Variants in ITPR2 observed in about 807,000 individuals in gnomAD.
The protein encoded by ITPR2 is inositol 1,4,5-trisphosphate receptor type 2.
Under a neutral mutation model 317.1 loss-of-function variants are expected in ITPR2, and 207 were observed. The ratio of observed to expected loss-of-function variants is 0.65; its 90% CI spans 0.58 to 0.73. The LOEUF is 0.73. Ranked by LOEUF, ITPR2 falls within the 30% of genes least tolerant of loss-of-function variation. ITPR2 has a pLI of 0.00. For synonymous variants in ITPR2, 1,156 were observed against 1,149.1 expected, an observed-to-expected ratio of 1.01 and a Z score of -0.12; for missense variants, 2,613 against 3,284.0, an observed-to-expected ratio of 0.80 and a Z score of 4.99.
At chr12:26,714,171 A>G (rs1012068103) in intron 8 of ITPR2, among the ~76,000 whole-genome samples, 1 of 152,252 alleles carries the variant, frequency 6.6e-6, no homozygotes, top group Non-Finnish European at 1.5e-5. Flanking sequence ...GCTCATTTGC[A>G]GAGGCATCTT....
chr12:26,744,735 G>C (rs1949290389), intron 2 of ITPR2, among the ~76,000 whole-genome samples: 1 of 152,138 alleles, frequency 6.6e-6, no homozygotes, highest in Non-Finnish European at 1.5e-5. Flanking sequence ...AGGAAGTAGA[G>C]AACACAGTCA....
intron 1 of ITPR2, among the ~76,000 whole-genome samples, chr12:26,820,820 T>C (rs538288797): frequency 6.6e-6 from 1 of 152,328 alleles, no homozygotes; most frequent in Admixed American, 6.5e-5. Context: ...TACTAACATG[T>C]GCTGCAACAT....
At chr12:26,736,894 C>T (rs1949128783) in intron 2 of ITPR2, among the ~76,000 whole-genome samples, 1 of 152,170 alleles carries the variant, frequency 6.6e-6, no homozygotes, top group Admixed American at 6.5e-5. Flanking sequence ...AGGGGGAAAG[C>T]AAGCAAAATA....
Position 26,595,483 on chromosome 12 carries a change from G to A in ITPR2, c.4362C>T (p.Phe1454=), listed in dbSNP as rs1179502802. 2 of 1,608,290 alleles carry A rather than the reference G, an allele frequency of 1.2e-6. No homozygotes were observed. The highest frequency in any genetic ancestry group is 1.7e-6 in the Non-Finnish European group (2 of 1,178,442). ...AACTTACCCTTGCCATATCCACCAAGAAGTTCTCAAATAATTTCCAAATGT... is the reference window on the plus strand; with the variant it reads ...AACTTACCCTTGCCATATCCACCAAAAAGTTCTCAAATAATTTCCAAATGT... The part of the protein sequence containing the change: ...SNHIWKLFEN[F]LVDMARVCNT... The change falls in exon 32 of 57, where the codon TTC becomes TTT. Residue 1454 remains phenylalanine (F), a synonymous_variant. Coordinates refer to ENST00000381340, the MANE Select transcript of ITPR2 (RefSeq NM_002223.4).
At chr12:26,782,037 TAGAGAGAG>T (rs1177233376) in intron 2 of ITPR2, among the ~76,000 whole-genome samples, 743 of 51,634 alleles carry the variant, frequency 0.014, 6 homozygotes, top group Non-Finnish European at 0.022. Flanking sequence ...TATATATGTA[TAGAGAGAG>T]AGAGAGAGAG....
intron 55 of ITPR2, among the ~76,000 whole-genome samples, chr12:26,346,153 T>C (rs192112397): frequency 6.6e-4 from 100 of 152,354 alleles, no homozygotes; most frequent in Non-Finnish European, 1.1e-3. Flanking sequence ...AACTCCAAGA[T>C]GAACCATCAT....
chr12:26,757,115 C>T (rs1192361102), intron 2 of ITPR2, among the ~76,000 whole-genome samples: 1 of 152,160 alleles, frequency 6.6e-6, no homozygotes, highest in African/African-American at 2.4e-5. Context: ...AATGATCCAC[C>T]TCTTGTTTAG....
At chr12:26,675,488 T>C (rs887964179) in intron 13 of ITPR2, among the ~76,000 whole-genome samples, 7 of 152,030 alleles carry the variant, frequency 4.6e-5, no homozygotes, top group Non-Finnish European at 8.8e-5. Flanking sequence ...TAGGTGGGAA[T>C]TGAACAATAA....
intron 37 of ITPR2, among the ~76,000 whole-genome samples, chr12:26,541,047 C>T (rs994697545): frequency 3.3e-5 from 5 of 150,940 alleles, no homozygotes; most frequent in Non-Finnish European, 7.4e-5. Flanking sequence ...GTGGCTCAAA[C>T]CTATAATCCC....
intron 56 of ITPR2, among the ~76,000 whole-genome samples, chr12:26,339,735 A>G (rs919640221): frequency 3.3e-5 from 5 of 152,194 alleles, no homozygotes; most frequent in Non-Finnish European, 7.3e-5. Context: ...AGCTGTCACC[A>G]TCACCACAGT....
rs78491915 is a variant in ITPR2 at position 26,747,377 on chromosome 12, G to A, written c.164-21612C>T. Among the ~76,000 whole-genome samples, 1,409 of 152,218 alleles carry A rather than the reference G, an allele frequency of 9.3e-3. 23 individuals carry two copies. Among genetic ancestry groups the A allele is most frequent in the African/African-American group, 0.032 (1,310 of 41,524 alleles). On this transcript the variant is annotated intron_variant, in intron 2 of 56. Transcript: ENST00000381340. ...CACTGATGCCATTGTCCATTTTGAA[G>A]AGTAGTCATCTCCAACCCAAGCCAG...
At chr12:26,733,832 G>A (rs894321672) in intron 2 of ITPR2, among the ~76,000 whole-genome samples, 1 of 152,022 alleles carries the variant, frequency 6.6e-6, no homozygotes. Context: ...TTCTCAATGT[G>A]CCATGTTAAC....
chr12:26,558,882 A>G (rs1032904481), intron 35 of ITPR2, among the ~76,000 whole-genome samples: 9 of 152,084 alleles, frequency 5.9e-5, no homozygotes, highest in African/African-American at 2.2e-4. Flanking sequence ...CCCAAATAGA[A>G]CTCCTAATTT....
chr12:26,738,126 A>G (rs1949162312), intron 2 of ITPR2, among the ~76,000 whole-genome samples: 1 of 152,184 alleles, frequency 6.6e-6, no homozygotes, highest in Non-Finnish European at 1.5e-5. Flanking sequence ...CTCTGTAGAA[A>G]ACTTTGAGAC....
intron 54 of ITPR2, among the ~76,000 whole-genome samples, chr12:26,391,092 T>G (rs964640912): frequency 3.3e-5 from 5 of 152,144 alleles, no homozygotes; most frequent in African/African-American, 1.2e-4. Context: ...CAGTACATGA[T>G]TATGGTAAGT....
At chr12:26,462,154 C>CTTTTGTTTTATTTTG (rs1555133873) in intron 45 of ITPR2, among the ~76,000 whole-genome samples, 1 of 149,574 alleles carries the variant, frequency 6.7e-6, no homozygotes, top group Non-Finnish European at 1.5e-5. Context: ...ACAAGGAAAA[C>CTTTTGTTTTATTTTG]TTTTGTTTTG....
intron 45 of ITPR2, among the ~76,000 whole-genome samples, chr12:26,450,169 C>A (rs1300549159): frequency 6.6e-6 from 1 of 152,036 alleles, no homozygotes; most frequent in Non-Finnish European, 1.5e-5. Flanking sequence ...AGAGCATGGC[C>A]CTGCCAACAC....
intron 34 of ITPR2, among the ~76,000 whole-genome samples, chr12:26,564,906 T>C (rs1259083017): frequency 1.3e-5 from 2 of 152,128 alleles, no homozygotes; most frequent in Non-Finnish European, 2.9e-5. Flanking sequence ...CGTAGAAAAA[T>C]ATACAAATGT....
chr12:26,697,728 A>G (rs980960279), intron 9 of ITPR2, among the ~76,000 whole-genome samples: 1 of 152,080 alleles, frequency 6.6e-6, no homozygotes, highest in East Asian at 1.9e-4. Flanking sequence ...GACTTGCTTG[A>G]ACCCAGGAGG....
Sources: gnomAD v4.1 joint callset for allele counts (sites outside exome capture counted in the v4.1 genomes callset) on GRCh38, gnomAD v4.1.1 for gene constraint, MANE v1.5 for transcripts, NCBI Gene and HGNC (gene_info 2026-07-23, HGNC 2026-07-21) for gene names.